The following KCTD8 variants were observed in gnomAD, a reference collection of about 807,000 sequenced individuals.
KCTD8 encodes the protein potassium channel tetramerization domain containing 8.
KCTD8 carries 27 observed loss-of-function variants against 31.5 expected under a neutral mutation model. The ratio of observed to expected loss-of-function variants is 0.86; its 90% CI spans 0.63 to 1.18. KCTD8 has a LOEUF of 1.18. Among genes scored for constraint, KCTD8 ranks in the 50% most tolerant of loss-of-function variants. The pLI is 0.00. For missense variants in KCTD8, 658 were observed against 647.7 expected (o/e 1.02, Z -0.17); for synonymous variants, 290 against 280.0 (o/e 1.04, Z -0.36).
intron 1 of KCTD8, among the ~76,000 whole-genome samples, chr4:44,278,792 A>G (rs1716819796): frequency 6.6e-6 from 1 of 152,052 alleles, no homozygotes; most frequent in Non-Finnish European, 1.5e-5. Context: ...CATGACTCAA[A>G]GAGTTGAACT....
At chr4:44,207,945 G>A (rs1014845922) in intron 1 of KCTD8, among the ~76,000 whole-genome samples, 13 of 152,294 alleles carry the variant, frequency 8.5e-5, no homozygotes, top group African/African-American at 3.1e-4. Context: ...AGAGTAAGCA[G>A]GGATGAGAAT....
At chr4:44,176,543 T>C (rs1189996766) in intron 1 of KCTD8, among the ~76,000 whole-genome samples, 2 of 152,080 alleles carry the variant, frequency 1.3e-5, no homozygotes, top group East Asian at 1.9e-4. Flanking sequence ...AAAAACCTTT[T>C]CTTAAAAGCA....
At chr4:44,339,044 C>A (rs182791839) in intron 1 of KCTD8, among the ~76,000 whole-genome samples, 1 of 152,048 alleles carries the variant, frequency 6.6e-6, no homozygotes, top group Admixed American at 6.6e-5. Flanking sequence ...GAAGGCCACA[C>A]GTAATATAGA....
chr4:44,359,176 A>G (rs1168435611), intron 1 of KCTD8, among the ~76,000 whole-genome samples: 1 of 151,728 alleles, frequency 6.6e-6, no homozygotes, highest in African/African-American at 2.4e-5. Flanking sequence ...ATTAGATCCC[A>G]TTTGTCAATT....
intron 1 of KCTD8, among the ~76,000 whole-genome samples, chr4:44,180,804 T>C (rs979529431): frequency 6.6e-6 from 1 of 152,164 alleles, no homozygotes; most frequent in African/African-American, 2.4e-5. Flanking sequence ...TTTTATGTTA[T>C]AAGAGTCTGT....
At chr4:44,255,854 C>T (rs1353225811) in intron 1 of KCTD8, among the ~76,000 whole-genome samples, 1 of 151,914 alleles carries the variant, frequency 6.6e-6, no homozygotes, top group Non-Finnish European at 1.5e-5. Context: ...AAACAGGACA[C>T]ACAGGAAAGT....
intron 1 of KCTD8, among the ~76,000 whole-genome samples, chr4:44,377,146 T>C (rs1321116694): frequency 6.6e-6 from 1 of 152,172 alleles, no homozygotes; most frequent in Non-Finnish European, 1.5e-5. Flanking sequence ...GAGGCAACAC[T>C]GGAATTTAGA....
In KCTD8 at chr4:44,377,657, C is replaced by T. The variant is rs534853830; in HGVS notation, c.961+69906G>A. The stretch of plus-strand genomic sequence containing the variant: ...CTCTTGTTTAAGTCTAAGCACTATT[C>T]CACTACAAAAGAAGGAAAGGAGAAA... On this transcript the variant is annotated intron_variant, in intron 1 of 1. Coordinates refer to ENST00000360029, the MANE Select transcript of KCTD8 (RefSeq NM_198353.3). 9.7e-3 allele frequency among the ~76,000 whole-genome samples: 1,478 copies of T among 152,228 alleles called. 14 individuals are homozygous for T. Among genetic ancestry groups the T allele is most frequent in the Non-Finnish European group, 0.013 (852 of 68,024 alleles).
chr4:44,421,718 T>C (rs538376903), intron 1 of KCTD8, among the ~76,000 whole-genome samples: 1 of 152,220 alleles, frequency 6.6e-6, no homozygotes, highest in East Asian at 1.9e-4. Flanking sequence ...TGTCACTACC[T>C]ACCTCCTACC....
At position 44,173,944 on chromosome 4, in the gene KCTD8, T is replaced by C. The variant is rs935891327; in HGVS notation, c.*846A>G. ...TTTTTTTAATAAATACATAAAGCTC[T>C]TTACCATTTCCCTCTATTATTTTGA... On this transcript the variant is annotated 3_prime_UTR_variant, in exon 2 of 2. Transcript: ENST00000360029. 5 of 152,150 alleles carry C rather than the reference T, an allele frequency of 3.3e-5. No individual in the cohort carries two copies. Among genetic ancestry groups the C allele is most frequent in the African/African-American group, 1.2e-4 (5 of 41,444 alleles). 9.4% of individuals were successfully genotyped at this position (152,150 alleles called of 1,614,324 possible).
chr4:44,279,215 G>A (rs907957030), intron 1 of KCTD8, among the ~76,000 whole-genome samples: 1 of 152,042 alleles, frequency 6.6e-6, no homozygotes, highest in African/African-American at 2.4e-5. Flanking sequence ...TTATCTCACA[G>A]TTTCAGTGAG....
At position 44,175,084 on chromosome 4, in the gene KCTD8, G is replaced by T; in HGVS notation, c.1128C>A (p.Ala376=). 1 of 1,614,038 alleles carries T rather than the reference G, an allele frequency of 6.2e-7. No individual in the cohort carries two copies. Among genetic ancestry groups the T allele is most frequent in the Non-Finnish European group, 8.5e-7 (1 of 1,179,984 alleles). ...ASTPQDNPSS[A]QQATAHQPNT... ...TAGGTTGGTGAGCTGTTGCCTGCTG[G>T]GCACTGGATGGGTTGTCCTGGGGAG... is the stretch of plus-strand genomic sequence containing the variant. The change falls in exon 2 of 2, where the codon GCC becomes GCA. Residue 376 remains alanine (A), a synonymous_variant. Transcript: ENST00000360029.
chr4:44,429,010 C>T (rs1489547307), intron 1 of KCTD8, among the ~76,000 whole-genome samples: 1 of 151,634 alleles, frequency 6.6e-6, no homozygotes, highest in East Asian at 1.9e-4. Context: ...ATCATCATTG[C>T]ATCATGGTGA....
intron 1 of KCTD8, among the ~76,000 whole-genome samples, chr4:44,264,556 C>A (rs963661829): frequency 2.6e-5 from 4 of 152,156 alleles, no homozygotes; most frequent in African/African-American, 7.2e-5. Flanking sequence ...GTGCAGTGCA[C>A]CGTGTGTGAG....
At chr4:44,209,541 A>C (rs896524129) in intron 1 of KCTD8, among the ~76,000 whole-genome samples, 4 of 151,008 alleles carry the variant, frequency 2.6e-5, no homozygotes, top group African/African-American at 9.7e-5. Flanking sequence ...CCCCACACAC[A>C]CCCCCACCCA....
At chr4:44,331,320 C>G (rs1245125478) in intron 1 of KCTD8, among the ~76,000 whole-genome samples, 1 of 151,832 alleles carries the variant, frequency 6.6e-6, no homozygotes, top group South Asian at 2.1e-4. Context: ...GGCAGGCATA[C>G]CCAGTGTTGA....
rs563828100 is a variant in KCTD8 at position 44,448,489 on chromosome 4, G to C, written c.35C>G (p.Thr12Ser). 5.3e-6 allele frequency: 8 copies of C among 1,504,232 alleles called. No individual in the cohort carries two copies. The East Asian group carries it at 1.4e-4, about 26-fold the overall frequency. The allele number at this position is 1,504,232 out of a possible 1,614,324, so 93.2% of individuals were successfully genotyped here. ...AACCATCTCGCTAATGGGCAGGATG[G>C]TGCTGCCGCCGCTGCCCGTGTCCTT... is the stretch of plus-strand genomic sequence containing the variant. ...ALKDTGSGGSTILPISEMVSS... is the reference protein window; with the variant it reads ...ALKDTGSGGSSILPISEMVSS... The change falls in exon 1 of 2, where the codon ACC becomes AGC. Residue 12 changes from threonine to serine, a missense_variant. Thr to Ser is a moderately conservative substitution (Grantham distance 58, BLOSUM62 1). Transcript: ENST00000360029. This position sits in a 1 kb window ranked among gnomAD's most constrained non-coding sequence, Gnocchi z 4.1.
At chr4:44,268,398 A>G (rs528936004) in intron 1 of KCTD8, among the ~76,000 whole-genome samples, 1 of 152,188 alleles carries the variant, frequency 6.6e-6, no homozygotes, top group Non-Finnish European at 1.5e-5. Flanking sequence ...GTATCTCAAA[A>G]TAATAAGAGC....
At chr4:44,247,996 A>G (rs1715717066) in intron 1 of KCTD8, among the ~76,000 whole-genome samples, 1 of 151,966 alleles carries the variant, frequency 6.6e-6, no homozygotes, top group African/African-American at 2.4e-5. Flanking sequence ...AAAGAATTGA[A>G]ATTAGAATCT....
Sources: allele counts gnomAD v4.1 joint callset (sites outside exome capture counted in the v4.1 genomes callset), GRCh38; gene constraint gnomAD v4.1.1; non-coding constraint Gnocchi (gnomAD v3.1); transcripts MANE v1.5; gene names NCBI Gene and HGNC (gene_info 2026-07-23, HGNC 2026-07-21).